The following HDAC4 variants were observed in gnomAD, a reference collection of about 807,000 sequenced individuals.
HDAC4 encodes the protein histone deacetylase 4, also known as histone deacetylase A.
HDAC4 carries 16 observed loss-of-function variants against 135.1 expected under a neutral mutation model. The observed-to-expected ratio is 0.12, with a 90% confidence interval of 0.08 to 0.18. The LOEUF is 0.18. Among genes scored for constraint, HDAC4 ranks in the 10% least tolerant of loss-of-function variants. The pLI is 1.00. For synonymous variants in HDAC4, 685 were observed against 653.4 expected, an observed-to-expected ratio of 1.05 and a Z score of -0.74; for missense variants, 1,143 against 1,511.8, an observed-to-expected ratio of 0.76 and a Z score of 4.05.
chr2:239,051,757 TTCAA>T lies in HDAC4; in HGVS notation c.*1336_*1339del, dbSNP rs1343395941. On this transcript the variant is annotated 3_prime_UTR_variant, in exon 27 of 27. Transcript: ENST00000543185. ...ATCTGGAGCTTGAGAAAACATGAAT[TTCAA>T]TCAATCAGGATCCCTTTCCATAAGC... 3.9e-5 allele frequency: 6 copies of T among 152,402 alleles called. No homozygotes were observed. The highest frequency in any genetic ancestry group is 1.3e-4 in the Admixed American group (2 of 15,274). 9.4% of individuals were successfully genotyped at this position (152,402 alleles called of 1,614,324 possible). A position where few individuals can be genotyped will look rare whatever the true frequency, so the allele number is the denominator to read the frequency against.
chr2:239,327,713 G>A (rs2053511209), intron 2 of HDAC4, among the ~76,000 whole-genome samples: 1 of 152,208 alleles, frequency 6.6e-6, no homozygotes, highest in Non-Finnish European at 1.5e-5. Context: ...ATGGGACTCA[G>A]AACCAGGGCC....
At chr2:239,334,769 TC>T (rs1691814568) in intron 2 of HDAC4, among the ~76,000 whole-genome samples, 1 of 152,056 alleles carries the variant, frequency 6.6e-6, no homozygotes, top group African/African-American at 2.4e-5. Context: ...ATGCCTGTAA[TC>T]CCAGCACTTT....
intron 12 of HDAC4, among the ~76,000 whole-genome samples, chr2:239,120,932 C>T (rs1187983573): frequency 2.0e-5 from 3 of 151,614 alleles, no homozygotes; most frequent in South Asian, 4.2e-4. Context: ...TTAAAGGAGA[C>T]GGCCCAGGGA....
intron 2 of HDAC4, among the ~76,000 whole-genome samples, chr2:239,342,752 G>A (rs957105850): frequency 1.3e-5 from 2 of 152,154 alleles, no homozygotes; most frequent in Non-Finnish European, 1.5e-5. Flanking sequence ...GGCTGAGGGA[G>A]ATGAGGGAGC....
intron 18 of HDAC4, among the ~76,000 whole-genome samples, chr2:239,089,109 T>C (rs1490010809): frequency 6.6e-6 from 1 of 152,138 alleles, no homozygotes; most frequent in Non-Finnish European, 1.5e-5. Context: ...ACACTACCAC[T>C]TGCTGAATTT....
In HDAC4 at chr2:239,115,352, C is replaced by A; in HGVS notation, c.1534-42G>T. ...ACACATGAAGCACAGAGAGCTGGGT[C>A]CTCTGAGCTCATCTGACAGGAGAAG... On this transcript the variant is annotated intron_variant, in intron 12 of 26. Coordinates refer to ENST00000543185, the MANE Select transcript of HDAC4 (RefSeq NM_001378414.1). This position sits in a 1 kb window ranked among gnomAD's most constrained non-coding sequence, Gnocchi z 6.3. The A allele has an allele frequency of 2.5e-6, 4 of 1,610,126 alleles. No homozygotes were observed. Among genetic ancestry groups the A allele is most frequent in the Non-Finnish European group, 3.4e-6 (4 of 1,178,048 alleles).
intron 22 of HDAC4, among the ~76,000 whole-genome samples, chr2:239,069,787 T>C (rs1312951639): frequency 6.6e-6 from 1 of 150,890 alleles, no homozygotes; most frequent in African/African-American, 2.4e-5. Flanking sequence ...CTGCACTTGC[T>C]TGGTGAGAGG....
In HDAC4 at chr2:239,167,026, G is replaced by A. The variant is rs2043157809; in HGVS notation, c.491-3103C>T. Among the ~76,000 whole-genome samples the A allele has an allele frequency of 6.6e-6, 1 of 152,080 alleles. No individual in the cohort carries two copies. Among genetic ancestry groups the A allele is most frequent in the African/African-American group, 2.4e-5 (1 of 41,400 alleles). The stretch of plus-strand genomic sequence containing the variant: ...CTGGTGACAGCGACAGTGAGGATGA[G>A]GACCCAGATGGCCAGTTGTTGGAGG... On this transcript the variant is annotated intron_variant, in intron 5 of 26. Transcript: ENST00000543185. This position sits in a 1 kb window ranked among gnomAD's most constrained non-coding sequence, Gnocchi z 4.1.
chr2:239,149,097 G>A (rs1039658860), intron 7 of HDAC4, among the ~76,000 whole-genome samples: 1 of 152,110 alleles, frequency 6.6e-6, no homozygotes, highest in South Asian at 2.1e-4. Flanking sequence ...TATTTACTTC[G>A]GTGAAAATAA....
intron 4 of HDAC4, among the ~76,000 whole-genome samples, chr2:239,177,960 C>G (rs145485668): frequency 1.4e-4 from 22 of 152,338 alleles, no homozygotes; most frequent in South Asian, 6.2e-4. Flanking sequence ...GAGGGACTCC[C>G]GCAAACCCAG....
rs139886798 is a variant in HDAC4 at position 239,134,534 on chromosome 2, G to A, written c.1088C>T (p.Pro363Leu). 3 of 1,614,036 alleles carry A rather than the reference G, an allele frequency of 1.9e-6. No homozygotes were observed. Among genetic ancestry groups the A allele is most frequent in the Non-Finnish European group, 8.5e-7 (1 of 1,179,982 alleles). ...NITLGLPATGPSAGTAGQQDA... is the reference protein window; with the variant it reads ...NITLGLPATGLSAGTAGQQDA... ...CCACGGGGGCTGACTTACCGCAGAGGGGCCGGTGGCAGGCAGGCCCAGCGT... is the reference window on the plus strand; with the variant it reads ...CCACGGGGGCTGACTTACCGCAGAGAGGCCGGTGGCAGGCAGGCCCAGCGT... The change falls in exon 10 of 27, where the codon CCC becomes CTC. Residue 363 changes from proline (P) to leucine (L), a missense_variant. Around this residue, in one of 9 missense-constraint regions of HDAC4, gnomAD observed 272 missense variants for 309.7 expected, o/e 0.88. Coordinates refer to ENST00000543185, the MANE Select transcript of HDAC4 (RefSeq NM_001378414.1).
chr2:239,193,627 C>A (rs1387128183), intron 3 of HDAC4, among the ~76,000 whole-genome samples: 2 of 152,334 alleles, frequency 1.3e-5, no homozygotes, highest in African/African-American at 4.8e-5. Flanking sequence ...AGCCTGCCAT[C>A]TGCAATCCTA....
At chr2:239,117,793 G>A (rs939764726) in intron 12 of HDAC4, among the ~76,000 whole-genome samples, 10 of 152,170 alleles carry the variant, frequency 6.6e-5, no homozygotes, top group Non-Finnish European at 1.5e-4. Flanking sequence ...TTCGAGGGAC[G>A]GTGGGACAAG....
At chr2:239,100,569 G>A (rs2037519089) in intron 16 of HDAC4, among the ~76,000 whole-genome samples, 1 of 152,116 alleles carries the variant, frequency 6.6e-6, no homozygotes, top group African/African-American at 2.4e-5. Context: ...CTGTCCAGCC[G>A]TTCCTCGGGC....
At chr2:239,236,498 G>A (rs1157441325) in intron 3 of HDAC4, 95 bp downstream of exon 3, 10 of 979,800 alleles carry the variant, frequency 1.0e-5, no homozygotes, top group African/African-American at 1.6e-5. Flanking sequence ...CTCCCCCCTC[G>A]CCCTCTCTGC....
intron 22 of HDAC4, among the ~76,000 whole-genome samples, chr2:239,076,455 G>A (rs952577326): frequency 5.3e-5 from 8 of 152,228 alleles, no homozygotes; most frequent in African/African-American, 1.9e-4. Context: ...CTTAACAGCT[G>A]GGTTTCAACA....
chr2:239,191,708 T>C (rs74003753), intron 3 of HDAC4, among the ~76,000 whole-genome samples: 5,812 of 152,288 alleles, frequency 0.038, 366 homozygotes, highest in African/African-American at 0.13. Flanking sequence ...TCTGGCTGAC[T>C]TCACTGTCTC....
chr2:239,115,019 C>A lies in HDAC4; in HGVS notation c.1791+34G>T. 6.2e-7 allele frequency: 1 copy of A among 1,604,208 alleles called. No individual in the cohort carries two copies. Among genetic ancestry groups the A allele is most frequent in the Middle Eastern group, 1.8e-4 (1 of 5,702 alleles). ...TGGGGACCGAGGGTGGCTGTGCGTG[C>A]CAGCCTTCTGGTGCCCTCCCCGCCT... On this transcript the variant is annotated intron_variant, in intron 13 of 26. Coordinates refer to ENST00000543185, the MANE Select transcript of HDAC4 (RefSeq NM_001378414.1). The surrounding 1 kb of genome is among the most constrained non-coding windows in gnomAD (Gnocchi z 6.3).
intron 22 of HDAC4, among the ~76,000 whole-genome samples, chr2:239,075,873 G>C (rs2034697970): frequency 6.6e-6 from 1 of 152,164 alleles, no homozygotes; most frequent in South Asian, 2.1e-4. Flanking sequence ...AAACAAAGCT[G>C]GGCCGGGATA....
Sources: gnomAD v4.1 joint callset for allele counts (sites outside exome capture counted in the v4.1 genomes callset) on GRCh38, gnomAD v4.1.1 for gene constraint, gnomAD v4.1.1 regional missense constraint, Gnocchi (gnomAD v3.1) non-coding constraint, MANE v1.5 for transcripts, NCBI Gene and HGNC (gene_info 2026-07-23, HGNC 2026-07-21) for gene names.